The following CFDP1 variants were observed in gnomAD, a reference collection of about 807,000 sequenced individuals.
CFDP1 encodes heterochromatin-stabilizing protein CFDP1.
CFDP1 carries 31 observed loss-of-function variants against 40.1 expected under a neutral mutation model. That is an observed-to-expected ratio of 0.77 (90% confidence interval 0.58 to 1.04). The LOEUF (loss-of-function observed/expected upper bound fraction) is 1.04, where lower values mean the gene tolerates loss of function less well. CFDP1 is among the 50% of genes least tolerant of loss of function. The pLI, the probability that CFDP1 is intolerant of heterozygous loss-of-function variation, is 0.00. For synonymous variants in CFDP1, 167 were observed against 120.0 expected (o/e 1.39, Z -2.56); for missense variants, 423 against 343.4 (o/e 1.23, Z -1.83).
At chr16:75,399,288 G>A (rs1053067822) in intron 4 of CFDP1, among the ~76,000 whole-genome samples, 1 of 152,106 alleles carries the variant, frequency 6.6e-6, no homozygotes, top group Non-Finnish European at 1.5e-5. Flanking sequence ...CCAAATCTCA[G>A]GCTTAATGCA....
At chr16:75,419,869 C>T (rs770446334) in intron 1 of CFDP1, among the ~76,000 whole-genome samples, 3 of 152,102 alleles carry the variant, frequency 2.0e-5, no homozygotes, top group Non-Finnish European at 4.4e-5. Flanking sequence ...CAACCAGCAG[C>T]CCTTGGGTCT....
intron 1 of CFDP1, among the ~76,000 whole-genome samples, chr16:75,415,664 G>T (rs537652744): frequency 6.6e-6 from 1 of 152,336 alleles, no homozygotes; most frequent in African/African-American, 2.4e-5. Context: ...CATTATGTTT[G>T]TGAGAGTCAC....
At chr16:75,295,600 A>G (rs190759698) in intron 6 of CFDP1, among the ~76,000 whole-genome samples, 1 of 152,316 alleles carries the variant, frequency 6.6e-6, no homozygotes, top group Admixed American at 6.5e-5. Flanking sequence ...GCAATGAGGA[A>G]CCAAAACACC....
At chr16:75,298,149 G>C (rs895845042) in intron 6 of CFDP1, among the ~76,000 whole-genome samples, 2 of 152,194 alleles carry the variant, frequency 1.3e-5, no homozygotes, top group Non-Finnish European at 2.9e-5. Context: ...AATGAATTCT[G>C]TGTTTGTTTA....
At chr16:75,303,226 C>T (rs543957698) in intron 6 of CFDP1, among the ~76,000 whole-genome samples, 8 of 149,632 alleles carry the variant, frequency 5.3e-5, no homozygotes, top group East Asian at 2.0e-4. Context: ...ATTAGCTGGG[C>T]GTGTAGGCGC....
intron 1 of CFDP1, among the ~76,000 whole-genome samples, chr16:75,425,927 T>C (rs1351540893): frequency 1.4e-5 from 2 of 144,406 alleles, no homozygotes; most frequent in Non-Finnish European, 3.0e-5. Flanking sequence ...TCCCAACTAC[T>C]CGGGAAGCTG....
chr16:75,377,618 A>C (rs1199715786), intron 5 of CFDP1, among the ~76,000 whole-genome samples: 1 of 152,242 alleles, frequency 6.6e-6, no homozygotes, highest in Admixed American at 6.5e-5. Flanking sequence ...CTTGTGTTCA[A>C]GTACAATCTA....
chr16:75,377,218 C>T (rs1229833378), intron 5 of CFDP1, among the ~76,000 whole-genome samples: 2 of 152,170 alleles, frequency 1.3e-5, no homozygotes, highest in African/African-American at 4.8e-5. Context: ...GATAATGAAC[C>T]TACCTCCTGC....
At chr16:75,372,015 T>C (rs1435704546) in intron 5 of CFDP1, among the ~76,000 whole-genome samples, 1 of 152,112 alleles carries the variant, frequency 6.6e-6, no homozygotes, top group East Asian at 1.9e-4. Flanking sequence ...TCAAAACAGC[T>C]CTATGAAGTA....
intron 5 of CFDP1, among the ~76,000 whole-genome samples, chr16:75,377,765 T>C (rs1161688886): frequency 6.6e-6 from 1 of 152,234 alleles, no homozygotes; most frequent in Non-Finnish European, 1.5e-5. Flanking sequence ...TGTGTTCTCA[T>C]AGGCAGTAAA....
At chr16:75,396,949 TG>T (rs1195782143) in intron 4 of CFDP1, among the ~76,000 whole-genome samples, 1 of 152,220 alleles carries the variant, frequency 6.6e-6, no homozygotes, top group East Asian at 2.0e-4. Context: ...AGTCTCGCTC[TG>T]TCGCCTAGGC....
chr16:75,321,642 G>A (rs1388375051), intron 5 of CFDP1, among the ~76,000 whole-genome samples: 2 of 152,070 alleles, frequency 1.3e-5, no homozygotes, highest in Non-Finnish European at 2.9e-5. Context: ...GTGAGGAAGG[G>A]GCTTTATGGG....
At chr16:75,400,101 CAAAA>C (rs71276627) in intron 4 of CFDP1, among the ~76,000 whole-genome samples, 2 of 59,316 alleles carry the variant, frequency 3.4e-5, no homozygotes, top group African/African-American at 5.7e-5. Context: ...AACTCCATCT[CAAAA>C]AAAAAAAAAA....
chr16:75,377,235 A>C (rs2078807337), intron 5 of CFDP1, among the ~76,000 whole-genome samples: 1 of 152,272 alleles, frequency 6.6e-6, no homozygotes, highest in Non-Finnish European at 1.5e-5. Flanking sequence ...CTGCCATAAA[A>C]GTCAAATGCT....
At chr16:75,350,838 T>A (rs2078605693) in intron 5 of CFDP1, among the ~76,000 whole-genome samples, 1 of 152,128 alleles carries the variant, frequency 6.6e-6, no homozygotes, top group Admixed American at 6.5e-5. Context: ...ATACGCAAGA[T>A]AAATAAAAAT....
At chr16:75,362,656 T>C (rs1416846616) in intron 5 of CFDP1, among the ~76,000 whole-genome samples, 1 of 152,164 alleles carries the variant, frequency 6.6e-6, no homozygotes, top group Non-Finnish European at 1.5e-5. Flanking sequence ...CTTCCATTCC[T>C]TCAGGTGTTA....
chr16:75,407,928 TGAAA>T (rs996115103), intron 4 of CFDP1, among the ~76,000 whole-genome samples: 2 of 151,772 alleles, frequency 1.3e-5, no homozygotes, highest in African/African-American at 4.8e-5. Flanking sequence ...GGCAAAATGG[TGAAA>T]CCCATCTCTA....
intron 5 of CFDP1, among the ~76,000 whole-genome samples, chr16:75,338,183 A>T (rs1034088082): frequency 1.3e-5 from 2 of 152,152 alleles, no homozygotes; most frequent in Non-Finnish European, 2.9e-5. Context: ...GGAAGCAATG[A>T]TGGGTTACAA....
At chr16:75,356,911 C>CTTTTTTTTT (rs576406459) in intron 5 of CFDP1, among the ~76,000 whole-genome samples, 3 of 80,654 alleles carry the variant, frequency 3.7e-5, no homozygotes, top group African/African-American at 7.9e-5. Context: ...TGCTTTCTTT[C>CTTTTTTTTT]TTTTTTTTTT....
Sources: gnomAD v4.1 joint callset for allele counts (sites outside exome capture counted in the v4.1 genomes callset) on GRCh38, gnomAD v4.1.1 for gene constraint, MANE v1.5 for transcripts, NCBI Gene and HGNC (gene_info 2026-07-23, HGNC 2026-07-21) for gene names.